The following ATP8A1 variants were observed in gnomAD, a reference collection of about 807,000 sequenced individuals.
The protein encoded by ATP8A1 is phospholipid-transporting ATPase IA.
ATP8A1 carries 90 observed loss-of-function variants against 177.7 expected under a neutral mutation model. The observed-to-expected ratio is 0.51, with a 90% CI of 0.43 to 0.60. The LOEUF is 0.60. Ranked by LOEUF, ATP8A1 falls within the 20% of genes least tolerant of loss-of-function variation. ATP8A1 has a pLI of 0.00. For synonymous variants in ATP8A1, 493 were observed against 485.9 expected (o/e 1.01, Z -0.19); for missense variants, 1,072 against 1,392.8 (o/e 0.77, Z 3.67).
chr4:42,426,422 T>C (rs955790305), intron 33 of ATP8A1, among the ~76,000 whole-genome samples: 6 of 152,196 alleles, frequency 3.9e-5, no homozygotes, highest in Non-Finnish European at 7.3e-5. Context: ...AGAAGGCCCT[T>C]TGCAGAACTC....
intron 4 of ATP8A1, among the ~76,000 whole-genome samples, chr4:42,620,301 G>C (rs1412523605): frequency 6.6e-6 from 1 of 152,116 alleles, no homozygotes; most frequent in African/African-American, 2.4e-5. Context: ...ACAATTTCTA[G>C]TCAATTTCTT....
At chr4:42,422,686 C>A (rs1714119035) in intron 35 of ATP8A1, 121 bp downstream of exon 35, 6 of 739,042 alleles carry the variant, frequency 8.1e-6, no homozygotes, top group Non-Finnish European at 8.8e-6. Flanking sequence ...ACTCCCAAAC[C>A]TGCCAATGAC....
At chr4:42,555,138 T>TATCTATCTATCTATCTATCTAATC (rs1178885818) in intron 16 of ATP8A1, among the ~76,000 whole-genome samples, 1 of 76,784 alleles carries the variant, frequency 1.3e-5, no homozygotes, top group East Asian at 3.6e-4. Flanking sequence ...TCTATCTATC[T>TATCTATCTATCTATCTATCTAATC]AATCTATCTA....
chr4:42,416,261 T>C (rs1399109002), intron 35 of ATP8A1, among the ~76,000 whole-genome samples: 1 of 152,086 alleles, frequency 6.6e-6, no homozygotes, highest in Non-Finnish European at 1.5e-5. Flanking sequence ...GCCTTGTGGA[T>C]GGGGTGCTGG....
At chr4:42,485,729 G>T in intron 24 of ATP8A1, 61 bp from the exon 25 acceptor site, 1 of 1,394,500 alleles carries the variant, frequency 7.2e-7, no homozygotes, top group Non-Finnish European at 9.7e-7. Flanking sequence ...CTACTAGGAT[G>T]CCTTAAGGAT....
In ATP8A1 at chr4:42,624,651, A is replaced by G; in HGVS notation, c.265-17T>C. On this transcript the variant is annotated splice_polypyrimidine_tract_variant and intron_variant, in intron 3 of 36. Transcript: ENST00000381668. ...AGGTATTTGCTGTTTGGAAAAAAAA[A>G]AAAAAGAGAAATCCAATGAGAACTA... The G allele has an allele frequency of 7.6e-7, 1 of 1,321,064 alleles. No individual in the cohort carries two copies. The highest frequency in any genetic ancestry group is 1.0e-6 in the Non-Finnish European group (1 of 990,022). The allele number at this position is 1,321,064 out of a possible 1,614,324, so 81.8% of individuals were successfully genotyped here. A position where few individuals can be genotyped will look rare whatever the true frequency, so the allele number is the denominator to read the frequency against.
chr4:42,472,284 G>C (rs1020743540), intron 25 of ATP8A1: 4 of 535,076 alleles, frequency 7.5e-6, no homozygotes, highest in South Asian at 5.8e-5. Flanking sequence ...AAGCATAGGA[G>C]AACAACATGG....
chr4:42,540,208 G>T (rs1397823923), intron 20 of ATP8A1, among the ~76,000 whole-genome samples: 1 of 151,962 alleles, frequency 6.6e-6, no homozygotes, highest in Non-Finnish European at 1.5e-5. Flanking sequence ...AGCAATCAGA[G>T]GCAAATCAAA....
At chr4:42,594,238 G>T in intron 6 of ATP8A1, 1 of 1,024,800 alleles carries the variant, frequency 9.8e-7, no homozygotes, top group Non-Finnish European at 1.5e-6. Flanking sequence ...GGTCAATGCA[G>T]GGTAGAGAAA....
chr4:42,592,397 G>A (rs932331715), intron 6 of ATP8A1, among the ~76,000 whole-genome samples: 3 of 152,002 alleles, frequency 2.0e-5, no homozygotes, highest in East Asian at 1.9e-4. Context: ...AGAGTCAGAC[G>A]GCAAAGATTT....
intron 31 of ATP8A1, 69 bp downstream of exon 31, chr4:42,446,514 A>G: frequency 6.7e-7 from 1 of 1,497,280 alleles, no homozygotes; most frequent in East Asian, 2.3e-5. Context: ...GTTTAAATTT[A>G]AAAATAAAAT....
chr4:42,640,192 CA>C (rs1300832734), intron 1 of ATP8A1, among the ~76,000 whole-genome samples: 7 of 152,146 alleles, frequency 4.6e-5, no homozygotes, highest in Non-Finnish European at 8.8e-5. Flanking sequence ...CACAGATTTA[CA>C]AAATGAGATC....
chr4:42,466,422 T>C (rs1004648484), intron 25 of ATP8A1, among the ~76,000 whole-genome samples: 42 of 152,202 alleles, frequency 2.8e-4, no homozygotes, highest in African/African-American at 9.9e-4. Context: ...TTTTTAGTGG[T>C]AGATACTCTG....
chr4:42,428,291 G>A (rs983998559), intron 33 of ATP8A1, among the ~76,000 whole-genome samples: 1 of 152,196 alleles, frequency 6.6e-6, no homozygotes, highest in Non-Finnish European at 1.5e-5. Flanking sequence ...CTCCTAACTT[G>A]TGGGTCGCAC....
Position 42,638,076 on chromosome 4 carries a change from T to A in ATP8A1, c.50-10967A>T, listed in dbSNP as rs377738135. Among the ~76,000 whole-genome samples the A allele has an allele frequency of 7.2e-5, 11 of 152,308 alleles. No homozygotes were observed. In the East Asian group the frequency reaches 2.1e-3, roughly 29 times the overall value. On this transcript the variant is annotated intron_variant, in intron 1 of 36. Coordinates refer to ENST00000381668, the MANE Select transcript of ATP8A1 (RefSeq NM_006095.2). ...ATGGGGAAGTAACATGAATGACCCT[T>A]CAGGAAAGTCCCTTCTGTGCACTAA...
intron 20 of ATP8A1, among the ~76,000 whole-genome samples, chr4:42,537,662 T>C (rs996619229): frequency 5.9e-5 from 9 of 151,956 alleles, no homozygotes; most frequent in Non-Finnish European, 8.8e-5. Context: ...CCTTTTACAA[T>C]AGCTGCAAAA....
chr4:42,638,194 T>C (rs1739583191), intron 1 of ATP8A1, among the ~76,000 whole-genome samples: 2 of 152,332 alleles, frequency 1.3e-5, no homozygotes, highest in South Asian at 4.1e-4. Context: ...CTAATATATT[T>C]TGTCATCAGG....
At chr4:42,650,135 A>G (rs545530391) in intron 1 of ATP8A1, among the ~76,000 whole-genome samples, 1 of 152,244 alleles carries the variant, frequency 6.6e-6, no homozygotes, top group Non-Finnish European at 1.5e-5. Context: ...CAGCTGTAAC[A>G]TTAGGTATAT....
chr4:42,444,466 T>TAGG, intron 32 of ATP8A1, 112 bp downstream of exon 32: 1 of 1,013,230 alleles, frequency 9.9e-7, no homozygotes, highest in Non-Finnish European at 1.5e-6. Context: ...ACCTGTGGAC[T>TAGG]AGGACATATT....
Sources: gnomAD v4.1 joint callset for allele counts (sites outside exome capture counted in the v4.1 genomes callset) on GRCh38, gnomAD v4.1.1 for gene constraint, MANE v1.5 for transcripts, NCBI Gene and HGNC (gene_info 2026-07-23, HGNC 2026-07-21) for gene names.